Variants in GPN3 observed in about 807,000 individuals in gnomAD.
The protein encoded by GPN3 is ATP-binding domain 1 family member C.
A neutral mutation model predicts 38.7 loss-of-function variants in GPN3; 31 were observed. The observed-to-expected ratio is 0.80, with a 90% CI of 0.60 to 1.08. The LOEUF is 1.08. Among genes scored for constraint, GPN3 ranks in the 50% least tolerant of loss-of-function variants. GPN3 has a pLI of 0.00. For missense variants in GPN3, 301 were observed against 354.4 expected (o/e 0.85, Z 1.21); for synonymous variants, 116 against 120.2 (o/e 0.96, Z 0.23).
intron 2 of GPN3, chr12:110,464,895 A>C: frequency 1.8e-6 from 1 of 547,872 alleles, no homozygotes; most frequent in East Asian, 3.0e-5. Context: ...GCCCGGCCCC[A>C]TTTACTTTTA....
At position 110,452,846 on chromosome 12, in the gene GPN3, G is replaced by C. The variant is rs976913505; in HGVS notation, c.*188C>G. ...AAGTGATGCTGTTATAATACTAAAAGATTCCACTTTAAACAGCAGCAGTTT... is the reference window on the plus strand; with the variant it reads ...AAGTGATGCTGTTATAATACTAAAACATTCCACTTTAAACAGCAGCAGTTT... On this transcript the variant is annotated 3_prime_UTR_variant, in exon 8 of 8. Transcript: ENST00000228827. The C allele has an allele frequency of 1.8e-6, 1 of 560,728 alleles. No individual in the cohort carries two copies. The highest frequency in any genetic ancestry group is 1.9e-5 in the African/African-American group (1 of 52,500). The allele number at this position is 560,728 out of a possible 1,614,324, so 34.7% of individuals were successfully genotyped here. A position where few individuals can be genotyped will look rare whatever the true frequency, so the allele number is the denominator to read the frequency against.
At chr12:110,453,994 G>C in intron 6 of GPN3, 123 bp from the exon 7 acceptor site, 1 of 658,774 alleles carries the variant, frequency 1.5e-6, no homozygotes, top group Non-Finnish European at 2.6e-6. Flanking sequence ...GTGTTTACAG[G>C]AAGAGGAGGA....
chr12:110,453,188 T>A (rs144309333), intron 7 of GPN3, 92 bp from the exon 8 acceptor site: 6 of 644,178 alleles, frequency 9.3e-6, no homozygotes, highest in Admixed American at 2.7e-5. Context: ...TAATACCCTA[T>A]GTGGAACTAA....
Position 110,453,725 on chromosome 12 carries a change from C to T in GPN3, c.792+18G>A. ...TATTTTTATCAAAAGCTAACAAACACCCCAAACCAGAAATTACCTTTGGTT... is the reference window on the plus strand; with the variant it reads ...TATTTTTATCAAAAGCTAACAAACATCCCAAACCAGAAATTACCTTTGGTT... On this transcript the variant is annotated intron_variant, in intron 7 of 7. Coordinates refer to ENST00000228827, the MANE Select transcript of GPN3 (RefSeq NM_016301.4). 1 of 1,600,584 alleles carries T rather than the reference C, an allele frequency of 6.2e-7. No individual in the cohort carries two copies. The highest frequency in any genetic ancestry group is 8.6e-7 in the Non-Finnish European group (1 of 1,168,186).
At chr12:110,460,346 T>C (rs868520179) in intron 2 of GPN3, among the ~76,000 whole-genome samples, 1 of 152,224 alleles carries the variant, frequency 6.6e-6, no homozygotes, top group Non-Finnish European at 1.5e-5. Context: ...TTTTCCTGTA[T>C]ACTTACTCTT....
chr12:110,462,528 G>A (rs2062596563), intron 2 of GPN3, among the ~76,000 whole-genome samples: 2 of 152,030 alleles, frequency 1.3e-5, no homozygotes, highest in Non-Finnish European at 2.9e-5. Flanking sequence ...CATCTCCACC[G>A]TGACCACCCT....
chr12:110,463,830 CTCT>C (rs1312486960), intron 2 of GPN3, among the ~76,000 whole-genome samples: 1 of 151,360 alleles, frequency 6.6e-6, no homozygotes, highest in East Asian at 1.9e-4. Flanking sequence ...CAATCCTTTC[CTCT>C]TCTTAAAACC....
chr12:110,468,387 G>A (rs2062652786), upstream of GPN3: 40 of 1,523,768 alleles, frequency 2.6e-5, no homozygotes, highest in Non-Finnish European at 3.5e-5. Flanking sequence ...TGAGAAAAAA[G>A]GGGAGGGGCG....
At chr12:110,466,776 T>G (rs1197672768) in intron 1 of GPN3, among the ~76,000 whole-genome samples, 1 of 152,016 alleles carries the variant, frequency 6.6e-6, no homozygotes, top group Non-Finnish European at 1.5e-5. Context: ...GATTACAGGC[T>G]TAAGCCACCA....
chr12:110,463,606 CAAAAAAAAAAAAAAAAAA>C (rs60072879), intron 2 of GPN3, among the ~76,000 whole-genome samples: 2 of 64,286 alleles, frequency 3.1e-5, no homozygotes, highest in African/African-American at 1.3e-4. Context: ...CCTGTCTCTA[CAAAAAAAAAAAAAAAAAA>C]AAAAAAAAAA....
At position 110,455,916 on chromosome 12, in the gene GPN3, G is replaced by C; in HGVS notation, c.465C>G (p.Ile155Met). The C allele has an allele frequency of 6.3e-7, 1 of 1,583,440 alleles. No individual in the cohort carries two copies. The highest frequency in any genetic ancestry group is 1.3e-5 in the African/African-American group (1 of 74,508). The stretch of plus-strand genomic sequence containing the variant: ...AGATCATGGCACTCAGGGCTGCCAA[G>C]ATGCCAGAAATAAACTGAAGGAGGA... ...MVESFKFISG[I>M]LAALSAMISL... Residue 155 changes from isoleucine to methionine, a missense_variant, in exon 5 of 8, where the codon ATC (isoleucine) becomes ATG (methionine). Ile to Met is a conservative substitution (Grantham distance 10). Coordinates refer to ENST00000228827, the MANE Select transcript of GPN3 (RefSeq NM_016301.4).
chr12:110,468,081 C>G, intron 1 of GPN3, 75 bp downstream of exon 1: 2 of 1,611,066 alleles, frequency 1.2e-6, no homozygotes, highest in Non-Finnish European at 8.5e-7. Context: ...CACCCGCCGG[C>G]TCACTCCCTC....
chr12:110,461,433 CAAACAAAAAT>C, intron 2 of GPN3: 1 of 586,864 alleles, frequency 1.7e-6, no homozygotes, highest in Non-Finnish European at 3.0e-6. Context: ...CAAACAAAAA[CAAACAAAAAT>C]AGAAAAATTA....
intron 4 of GPN3, among the ~76,000 whole-genome samples, chr12:110,456,145 C>A (rs545417011): frequency 6.6e-6 from 1 of 152,134 alleles, no homozygotes; most frequent in South Asian, 2.1e-4. Flanking sequence ...GCCTGGCCAA[C>A]GTGGTGAAAC....
intron 2 of GPN3, 66 bp from the exon 3 acceptor site, chr12:110,459,928 T>A: frequency 7.6e-7 from 1 of 1,312,244 alleles, no homozygotes; most frequent in East Asian, 2.3e-5. Flanking sequence ...TTACTAGAAA[T>A]AGAACATAAA....
rs921600530 is a variant in GPN3 at position 110,453,010 on chromosome 12, A to G, written c.*24T>C. 3 of 1,026,864 alleles carry G rather than the reference A, an allele frequency of 2.9e-6. No individual in the cohort carries two copies. Among genetic ancestry groups the G allele is most frequent in the Non-Finnish European group, 4.7e-6 (3 of 643,406 alleles). The allele number at this position is 1,026,864 out of a possible 1,614,324, so 63.6% of individuals were successfully genotyped here. A position where few individuals can be genotyped will look rare whatever the true frequency, so the allele number is the denominator to read the frequency against. ...CTGCTGGTTTGGCCACAAGCTCTTTAGATGGTTACTTTTAGTAAACTCTTC... is the reference window on the plus strand; with the variant it reads ...CTGCTGGTTTGGCCACAAGCTCTTTGGATGGTTACTTTTAGTAAACTCTTC... On this transcript the variant is annotated 3_prime_UTR_variant, in exon 8 of 8. Transcript: ENST00000228827.
intron 7 of GPN3, 70 bp downstream of exon 7, chr12:110,453,673 T>G: frequency 8.1e-7 from 1 of 1,236,570 alleles, no homozygotes; most frequent in Non-Finnish European, 1.2e-6. Context: ...GCCTGGATTA[T>G]GCAAGAGTCC....
At chr12:110,467,456 T>C (rs184118299) in intron 1 of GPN3, among the ~76,000 whole-genome samples, 43 of 152,318 alleles carry the variant, frequency 2.8e-4, no homozygotes, top group African/African-American at 9.6e-4. Flanking sequence ...TAAAATTATA[T>C]AAAATCTTTA....
chr12:110,466,347 T>C (rs996114093), intron 1 of GPN3, among the ~76,000 whole-genome samples: 8 of 152,144 alleles, frequency 5.3e-5, no homozygotes, highest in African/African-American at 1.9e-4. Flanking sequence ...ATGTTTCTGA[T>C]AGTAAGCATC....
Sources: allele counts gnomAD v4.1 joint callset (sites outside exome capture counted in the v4.1 genomes callset), GRCh38; gene constraint gnomAD v4.1.1; transcripts MANE v1.5; gene names NCBI Gene and HGNC (gene_info 2026-07-23, HGNC 2026-07-21).